Variants in EEPD1 observed in about 807,000 individuals in gnomAD.
EEPD1 encodes the protein endonuclease/exonuclease/phosphatase family domain containing 1, also known as endonuclease/exonuclease/phosphatase family domain-containing protein 1.
A neutral mutation model predicts 46.3 loss-of-function variants in EEPD1; 17 were observed. That is an observed-to-expected ratio of 0.37 (90% CI 0.25 to 0.55). The LOEUF (loss-of-function observed/expected upper bound fraction) is 0.55. Among genes scored for constraint, EEPD1 ranks in the 20% least tolerant of loss-of-function variants. EEPD1 has a pLI of 0.83. For missense variants in EEPD1, 673 were observed against 745.6 expected, an observed-to-expected ratio of 0.90 and a Z score of 1.13; for synonymous variants, 313 against 315.6, an observed-to-expected ratio of 0.99 and a Z score of 0.09.
At chr7:36,231,436 T>C (rs1558662) in intron 2 of EEPD1, among the ~76,000 whole-genome samples, 149,217 of 152,268 alleles carry the variant, frequency 0.98, 73,188 homozygotes, top group East Asian at 1. Flanking sequence ...TTCATTGCAG[T>C]TTTCATCTGC....
intron 2 of EEPD1, among the ~76,000 whole-genome samples, chr7:36,209,405 G>T (rs73338941): frequency 1.5e-3 from 223 of 152,316 alleles, no homozygotes; most frequent in African/African-American, 5.2e-3. Flanking sequence ...GCCACCTGGT[G>T]CCCTGTGAGG....
At chr7:36,229,332 A>T (rs898230629) in intron 2 of EEPD1, 2 of 152,236 alleles carry the variant, frequency 1.3e-5, no homozygotes, top group African/African-American at 4.8e-5. Context: ...AATGGTGATT[A>T]TACTCTGAGA....
chr7:36,260,022 T>C (rs28405188), intron 3 of EEPD1, among the ~76,000 whole-genome samples: 14,634 of 152,256 alleles, frequency 0.096, 1,011 homozygotes, highest in East Asian at 0.37. Context: ...TTTACCTATA[T>C]TAGATTTCTA....
intron 2 of EEPD1, among the ~76,000 whole-genome samples, chr7:36,177,249 T>TGC (rs1785197675): frequency 6.6e-6 from 1 of 152,028 alleles, no homozygotes; most frequent in Non-Finnish European, 1.5e-5. Context: ...TTTTTTTTTT[T>TGC]TCATTTTTAA....
At chr7:36,220,847 T>G (rs913089004) in intron 2 of EEPD1, among the ~76,000 whole-genome samples, 17 of 152,230 alleles carry the variant, frequency 1.1e-4, no homozygotes, top group Non-Finnish European at 1.8e-4. Context: ...GTGCCCAGGC[T>G]AGAATGCAGT....
At chr7:36,281,061 CG>C in intron 3 of EEPD1, 53 bp from the exon 4 acceptor site, 1 of 1,528,734 alleles carries the variant, frequency 6.5e-7, no homozygotes, top group Non-Finnish European at 9.0e-7. Flanking sequence ...CGCCGCCAGC[CG>C]GGACTGCTTT....
intron 3 of EEPD1, among the ~76,000 whole-genome samples, chr7:36,257,374 C>G (rs10238996): frequency 1.4e-4 from 22 of 151,908 alleles, no homozygotes; most frequent in Non-Finnish European, 2.2e-4. Flanking sequence ...GCCTGTCTTT[C>G]TAGGTTGGGG....
intron 2 of EEPD1, among the ~76,000 whole-genome samples, chr7:36,171,787 T>C (rs1785088383): frequency 6.6e-6 from 1 of 152,220 alleles, no homozygotes; most frequent in South Asian, 2.1e-4. Flanking sequence ...TAAGCTCTTC[T>C]CTGTAGTTAG....
rs143941115 is a variant in EEPD1, at chr7:36,235,884, G to A, written c.879-3101G>A. On this transcript the variant is annotated intron_variant, in intron 2 of 7. Transcript: ENST00000242108. Reference sequence around the variant, plus strand: ...GTGGCATGGCATAAAGTACACTTACGTTGTTGTATAATCATCACCAACATT... The same window carrying A: ...GTGGCATGGCATAAAGTACACTTACATTGTTGTATAATCATCACCAACATT... 3.9e-3 allele frequency among the ~76,000 whole-genome samples: 583 copies of A among 150,686 alleles called. 5 individuals are homozygous for A. The highest frequency in any genetic ancestry group is 0.013 in the African/African-American group (542 of 41,016).
chr7:36,230,290 C>G (rs112242926), intron 2 of EEPD1, among the ~76,000 whole-genome samples: 1 of 151,910 alleles, frequency 6.6e-6, no homozygotes, highest in African/African-American at 2.4e-5. Flanking sequence ...ATTCTCAACA[C>G]CATGGCCATA....
intron 2 of EEPD1, among the ~76,000 whole-genome samples, chr7:36,195,216 G>A (rs1475484794): frequency 6.6e-6 from 1 of 152,190 alleles, no homozygotes; most frequent in East Asian, 1.9e-4. Context: ...CCAGACACAT[G>A]CTGAGACCTG....
intron 2 of EEPD1, among the ~76,000 whole-genome samples, chr7:36,226,779 A>G (rs967533777): frequency 6.6e-6 from 1 of 152,234 alleles, no homozygotes; most frequent in African/African-American, 2.4e-5. Flanking sequence ...ATAGATAGTA[A>G]CAAGAAGACT....
At chr7:36,178,606 C>A (rs1778998079) in intron 2 of EEPD1, among the ~76,000 whole-genome samples, 1 of 152,226 alleles carries the variant, frequency 6.6e-6, no homozygotes, top group Non-Finnish European at 1.5e-5. Flanking sequence ...CATCGTGTGG[C>A]TCTTGGAAAA....
rs553175952 is a variant in EEPD1 at position 36,191,606 on chromosome 7, T to C, written c.878+36404T>C. On this transcript the variant is annotated intron_variant, in intron 2 of 7. Coordinates refer to ENST00000242108, the MANE Select transcript of EEPD1 (RefSeq NM_030636.3). The stretch of plus-strand genomic sequence containing the variant: ...GCTAACTAGAACTGGTTTTCCGCAG[T>C]GAGATTTCACCCCACACAGAAGAAG... Among the ~76,000 whole-genome samples, 139 of 152,272 alleles carry C rather than the reference T, an allele frequency of 9.1e-4. 2 individuals carry two copies. Among genetic ancestry groups the C allele is most frequent in the African/African-American group, 3.1e-3 (128 of 41,552 alleles).
intron 2 of EEPD1, among the ~76,000 whole-genome samples, chr7:36,236,411 C>T (rs574211990): frequency 6.6e-6 from 1 of 152,232 alleles, no homozygotes; most frequent in Non-Finnish European, 1.5e-5. Flanking sequence ...GAGGCTGAAT[C>T]CCGTGCGTGG....
chr7:36,236,924 G>C (rs533239089), intron 2 of EEPD1, among the ~76,000 whole-genome samples: 7 of 152,316 alleles, frequency 4.6e-5, no homozygotes, highest in South Asian at 4.1e-4. Flanking sequence ...GCCAGCAGGG[G>C]CAACCCGCTC....
chr7:36,185,233 A>G (rs1256776050), intron 2 of EEPD1, among the ~76,000 whole-genome samples: 2 of 152,240 alleles, frequency 1.3e-5, no homozygotes, highest in Admixed American at 6.5e-5. Flanking sequence ...CTTCTCATAA[A>G]TGGAATAGCA....
At chr7:36,202,267 A>C (rs1270962649) in intron 2 of EEPD1, among the ~76,000 whole-genome samples, 1 of 152,106 alleles carries the variant, frequency 6.6e-6, no homozygotes, top group Non-Finnish European at 1.5e-5. Flanking sequence ...CCTTGTGTGG[A>C]GTTCTCTCCC....
At chr7:36,229,985 C>T (rs1583821824) in intron 2 of EEPD1, among the ~76,000 whole-genome samples, 1 of 152,002 alleles carries the variant, frequency 6.6e-6, no homozygotes, top group Middle Eastern at 3.4e-3. Context: ...TCAAACTCCA[C>T]TCAAAGGTCC....
Sources: gnomAD v4.1 joint callset for allele counts (sites outside exome capture counted in the v4.1 genomes callset) on GRCh38, gnomAD v4.1.1 for gene constraint, MANE v1.5 for transcripts, NCBI Gene and HGNC (gene_info 2026-07-23, HGNC 2026-07-21) for gene names.